SMIM35: variants seen among roughly 807,000 people sequenced by gnomAD.
SMIM35 encodes TMPRSS4 antisense RNA 1 (non-protein coding).
intron 1 of SMIM35, among the ~76,000 whole-genome samples, chr11:118,078,292 C>T (rs1296835826): frequency 6.6e-6 from 1 of 152,076 alleles, no homozygotes; most frequent in East Asian, 1.9e-4. Flanking sequence ...TTCTCCAGTC[C>T]TTGGCCAAGA....
chr11:118,025,431 C>T lies in SMIM35; in HGVS notation c.8-9622G>A, dbSNP rs755621607. 9.0e-6 allele frequency: 4 copies of T among 444,194 alleles called. 1 individual carries two copies. Among genetic ancestry groups the T allele is most frequent in the East Asian group, 7.2e-5 (1 of 13,928 alleles). 27.5% of individuals were successfully genotyped at this position (444,194 alleles called of 1,614,324 possible). ...CAACAGTGTGTAAACGTTCCCTTTC[C>T]TCTGCAGCCTTGCCAACATCTGTTA... On this transcript the variant is annotated intron_variant, in intron 1 of 4. Coordinates refer to ENST00000689828, the MANE Select transcript of SMIM35 (RefSeq NM_001394165.1).
At chr11:118,038,010 G>T (rs2135072189) in intron 1 of SMIM35, among the ~76,000 whole-genome samples, 1 of 152,312 alleles carries the variant, frequency 6.6e-6, no homozygotes, top group Admixed American at 6.5e-5. Context: ...TTGCTGTGGG[G>T]CTGAGGGTGA....
At chr11:118,014,417 GATGGATGGATGGATGA>G (rs1436531692) in intron 3 of SMIM35, among the ~76,000 whole-genome samples, 19 of 151,638 alleles carry the variant, frequency 1.3e-4, no homozygotes, top group African/African-American at 4.1e-4. Flanking sequence ...TGGATGGATG[GATGGATGGATGGATGA>G]ATGGATGGAT....
chr11:118,070,276 A>G (rs1400961644), intron 1 of SMIM35, among the ~76,000 whole-genome samples: 1 of 152,110 alleles, frequency 6.6e-6, no homozygotes, highest in Non-Finnish European at 1.5e-5. Flanking sequence ...TCCCGGGTTC[A>G]AGTGATTCTC....
rs542436086 is a variant in SMIM35 at position 118,057,514 on chromosome 11, G to A, written c.7+29237C>T. On this transcript the variant is annotated intron_variant, in intron 1 of 4. Transcript: ENST00000689828. Reference sequence around the variant, plus strand: ...CTGGGGGTGGGAGACTCCGCTGGGCGCTGGAGGCAGTGCCGTTGCTGTGGT... The same window carrying A: ...CTGGGGGTGGGAGACTCCGCTGGGCACTGGAGGCAGTGCCGTTGCTGTGGT... Among the ~76,000 whole-genome samples the A allele has an allele frequency of 1.7e-3, 259 of 152,288 alleles. 1 individual carries two copies. Among genetic ancestry groups the A allele is most frequent in the Non-Finnish European group, 3.0e-3 (203 of 68,020 alleles).
At chr11:118,031,267 G>A (rs1341453140) in intron 1 of SMIM35, among the ~76,000 whole-genome samples, 3 of 152,182 alleles carry the variant, frequency 2.0e-5, no homozygotes, top group Non-Finnish European at 2.9e-5. Flanking sequence ...AGGAGGGCTT[G>A]AGGCAGCAAT....
At position 118,066,814 on chromosome 11, in the gene SMIM35, G is replaced by C. The variant is rs1015833682; in HGVS notation, c.7+19937C>G. Among the ~76,000 whole-genome samples, 3 of 111,480 alleles carry C rather than the reference G, an allele frequency of 2.7e-5. No individual in the cohort carries two copies. The Admixed American group carries it at 3.2e-4, about 12-fold the overall frequency. The allele number at this position is 111,480 out of a possible 152,430, so 73.1% of individuals were successfully genotyped here. A position where few individuals can be genotyped will look rare whatever the true frequency, so the allele number is the denominator to read the frequency against. ...CACTCCAGCCTGGGTGACAGAGTGAGACCTTGACTTAAAAAAAAAAAAATC... is the reference window on the plus strand; with the variant it reads ...CACTCCAGCCTGGGTGACAGAGTGACACCTTGACTTAAAAAAAAAAAAATC... On this transcript the variant is annotated intron_variant, in intron 1 of 4. Coordinates refer to ENST00000689828, the MANE Select transcript of SMIM35 (RefSeq NM_001394165.1).
chr11:118,057,044 A>G (rs584670), intron 1 of SMIM35, among the ~76,000 whole-genome samples: 115,425 of 152,032 alleles, frequency 0.76, 43,963 homozygotes, highest in Admixed American at 0.81. Flanking sequence ...GGGAAGGAAG[A>G]AGGTCTGGCC....
At chr11:118,064,710 C>G (rs1944442935) in intron 1 of SMIM35, among the ~76,000 whole-genome samples, 1 of 151,462 alleles carries the variant, frequency 6.6e-6, no homozygotes, top group Non-Finnish European at 1.5e-5. Context: ...GTGGCAAGAT[C>G]TTGGCTCACT....
At chr11:118,045,330 G>GCACACACACACACACA (rs34102097) in intron 1 of SMIM35, among the ~76,000 whole-genome samples, 1,504 of 146,100 alleles carry the variant, frequency 0.01, 18 homozygotes, top group East Asian at 0.032. Context: ...ATACACACAT[G>GCACACACACACACACA]CACACACACA....
chr11:118,056,395 G>A (rs889600969), intron 1 of SMIM35, among the ~76,000 whole-genome samples: 4 of 152,158 alleles, frequency 2.6e-5, no homozygotes, highest in Non-Finnish European at 5.9e-5. Flanking sequence ...GGGGAGGCCT[G>A]GTGACTCCTG....
rs539905960 is a variant in SMIM35, at chr11:118,042,285, T to C, written c.8-26476A>G. Among the ~76,000 whole-genome samples the C allele has an allele frequency of 1.1e-4, 17 of 152,044 alleles. 1 individual carries two copies. Among genetic ancestry groups the C allele is most frequent in the Non-Finnish European group, 2.2e-4 (15 of 68,004 alleles). On this transcript the variant is annotated intron_variant, in intron 1 of 4. Coordinates refer to ENST00000689828, the MANE Select transcript of SMIM35 (RefSeq NM_001394165.1). Reference sequence around the variant, plus strand: ...GAATCAGAAATGAAAGAGGGGACATTGTTGTCAACGTTACAGAAACAAACA... The same window carrying C: ...GAATCAGAAATGAAAGAGGGGACATCGTTGTCAACGTTACAGAAACAAACA...
intron 1 of SMIM35, among the ~76,000 whole-genome samples, chr11:118,066,776 G>A (rs1944480218): frequency 6.6e-6 from 1 of 151,158 alleles, no homozygotes; most frequent in Non-Finnish European, 1.5e-5. Flanking sequence ...AGTGAGTCGT[G>A]ATCCTGCCAC....
intron 1 of SMIM35, among the ~76,000 whole-genome samples, chr11:118,027,919 G>C (rs892962814): frequency 2.0e-5 from 3 of 152,222 alleles, no homozygotes; most frequent in African/African-American, 4.8e-5. Context: ...GTTGCATGTG[G>C]ATCCGTAACC....
At chr11:118,052,333 T>G (rs1944230468) in intron 1 of SMIM35, among the ~76,000 whole-genome samples, 1 of 151,368 alleles carries the variant, frequency 6.6e-6, no homozygotes. Flanking sequence ...GGGAAGTGGG[T>G]GGTTTGCTGC....
chr11:118,024,087 A>G lies in SMIM35; in HGVS notation c.8-8278T>C, dbSNP rs550806449. 2.6e-5 allele frequency among the ~76,000 whole-genome samples: 4 copies of G among 152,210 alleles called. No homozygotes were observed. The South Asian group carries it at 6.2e-4, about 24-fold the overall frequency. ...AGGACAACTTCAAGCCACCTAATAT[A>G]TGTGTAATTAGATTCCCTGAAGGAG... On this transcript the variant is annotated intron_variant, in intron 1 of 4. Transcript: ENST00000689828.
chr11:118,079,639 C>G (rs1231060243), intron 1 of SMIM35, among the ~76,000 whole-genome samples: 1 of 152,226 alleles, frequency 6.6e-6, no homozygotes, highest in Non-Finnish European at 1.5e-5. Context: ...CTGAGGTCAA[C>G]CCCCTGACGC....
At chr11:118,023,472 T>C (rs888244289) in intron 1 of SMIM35, among the ~76,000 whole-genome samples, 2 of 151,824 alleles carry the variant, frequency 1.3e-5, no homozygotes, top group Admixed American at 6.6e-5. Context: ...TCAGTTAGCA[T>C]TAGGTATATC....
At chr11:118,055,293 T>C (rs986963513) in intron 1 of SMIM35, among the ~76,000 whole-genome samples, 8 of 152,084 alleles carry the variant, frequency 5.3e-5, no homozygotes, top group Non-Finnish European at 1.2e-4. Flanking sequence ...GCCTCCAAGA[T>C]ATGCGGATTT....
Sources: allele counts gnomAD v4.1 joint callset (sites outside exome capture counted in the v4.1 genomes callset), GRCh38; gene constraint gnomAD v4.1.1; transcripts MANE v1.5; gene names NCBI Gene and HGNC (gene_info 2026-07-23, HGNC 2026-07-21).